Variants in RSPO3 observed in about 807,000 individuals in gnomAD.
RSPO3 encodes the protein R-spondin 3.
In RSPO3, 17 loss-of-function variants were observed where a neutral mutation model predicts 36.5. That is an observed-to-expected ratio of 0.47 (90% CI 0.32 to 0.70). RSPO3 has a LOEUF of 0.70. Among genes scored for constraint, RSPO3 ranks in the 30% least tolerant of loss-of-function variants. RSPO3 has a pLI of 0.04. For missense variants in RSPO3, 294 were observed against 322.5 expected (o/e 0.91, Z 0.68); for synonymous variants, 108 against 107.0 (o/e 1.01, Z -0.06).
chr6:127,165,950 T>C (rs1017278958), intron 4 of RSPO3, among the ~76,000 whole-genome samples: 3 of 151,918 alleles, frequency 2.0e-5, no homozygotes, highest in East Asian at 3.9e-4. Context: ...AAATTAATAA[T>C]CTCACTCTCC....
intron 4 of RSPO3, among the ~76,000 whole-genome samples, chr6:127,166,773 C>T (rs1000086184): frequency 7.2e-5 from 11 of 151,962 alleles, no homozygotes; most frequent in Non-Finnish European, 1.6e-4. Context: ...ATCAAAATTA[C>T]GTGTTTCCTC....
At position 127,126,039 on chromosome 6, in the gene RSPO3, T is replaced by C. The variant is rs184537243; in HGVS notation, c.97+6750T>C. Among the ~76,000 whole-genome samples the C allele has an allele frequency of 2.0e-5, 3 of 152,236 alleles. No individual in the cohort carries two copies. In the East Asian group the frequency reaches 5.8e-4, roughly 29 times the overall value. On this transcript the variant is annotated intron_variant, in intron 1 of 4. Transcript: ENST00000356698. Reference sequence around the variant, plus strand: ...CAGTAGTTCTTGGCAATTAATTGCATATGAAAGGGAAAGAGATGGAGGCCC... The same window carrying C: ...CAGTAGTTCTTGGCAATTAATTGCACATGAAAGGGAAAGAGATGGAGGCCC...
chr6:127,132,784 G>C (rs566582106), intron 1 of RSPO3, among the ~76,000 whole-genome samples: 42 of 152,188 alleles, frequency 2.8e-4, no homozygotes, highest in African/African-American at 1.0e-3. Flanking sequence ...TGTTTGCACA[G>C]CATTTTCAAG....
At chr6:127,153,420 T>C (rs1304362192) in intron 3 of RSPO3, among the ~76,000 whole-genome samples, 1 of 152,078 alleles carries the variant, frequency 6.6e-6, no homozygotes, top group Non-Finnish European at 1.5e-5. Flanking sequence ...TTCTCTAAGA[T>C]AAATTCACCT....
rs1323559486 is a variant in RSPO3 at position 127,168,361 on chromosome 6, G to A, written c.634+12923G>A. Among the ~76,000 whole-genome samples, 5 of 118,278 alleles carry A rather than the reference G, an allele frequency of 4.2e-5. No individual in the cohort carries two copies. In the South Asian group the frequency reaches 1.4e-3, roughly 33 times the overall value. The allele number at this position is 118,278 out of a possible 152,430, so 77.6% of individuals were successfully genotyped here. ...CATTTCTCTGATGGCCAGTGATGAT[G>A]AGCATTTTTTTCATGTGTCTGTTGG... On this transcript the variant is annotated intron_variant, in intron 4 of 4. Coordinates refer to ENST00000356698, the MANE Select transcript of RSPO3 (RefSeq NM_032784.5).
At chr6:127,127,510 T>C (rs940788811) in intron 1 of RSPO3, among the ~76,000 whole-genome samples, 4 of 152,126 alleles carry the variant, frequency 2.6e-5, no homozygotes, top group Non-Finnish European at 4.4e-5. Flanking sequence ...TAATAGTTAT[T>C]ACTCAATAGC....
At chr6:127,177,865 A>C (rs1775086947) in intron 4 of RSPO3, among the ~76,000 whole-genome samples, 1 of 151,656 alleles carries the variant, frequency 6.6e-6, no homozygotes, top group Non-Finnish European at 1.5e-5. Context: ...AGTGGTCTTA[A>C]AGTTTTGTTT....
intron 4 of RSPO3, among the ~76,000 whole-genome samples, chr6:127,171,246 A>G (rs1192979468): frequency 6.6e-6 from 1 of 151,636 alleles, no homozygotes. Flanking sequence ...AAAGCACAGT[A>G]TTTTTTTCTT....
chr6:127,193,237 A>T (rs1775448293), intron 4 of RSPO3, among the ~76,000 whole-genome samples: 1 of 152,166 alleles, frequency 6.6e-6, no homozygotes, highest in Admixed American at 6.5e-5. Context: ...TACTTCCAAA[A>T]ATGTTTAGGC....
intron 4 of RSPO3, among the ~76,000 whole-genome samples, chr6:127,188,717 A>C (rs1020408933): frequency 3.3e-5 from 5 of 152,192 alleles, no homozygotes; most frequent in South Asian, 2.1e-4. Flanking sequence ...TGACTCAAAA[A>C]GTTTATTCCA....
rs558125554 is a variant in RSPO3, at chr6:127,160,540, A to G, written c.634+5102A>G. Among the ~76,000 whole-genome samples the G allele has an allele frequency of 3.9e-5, 6 of 152,332 alleles. No homozygotes were observed. In the South Asian group the frequency reaches 1.2e-3, roughly 32 times the overall value. On this transcript the variant is annotated intron_variant, in intron 4 of 4. Transcript: ENST00000356698. ...ACCCCATAGGCATTGTGCCCTGAGT[A>G]CCATCTCAGAGGAAGTTCTGCAGTC... is the stretch of plus-strand genomic sequence containing the variant.
intron 1 of RSPO3, among the ~76,000 whole-genome samples, chr6:127,127,526 T>C (rs929120828): frequency 6.6e-6 from 1 of 152,112 alleles, no homozygotes; most frequent in Non-Finnish European, 1.5e-5. Flanking sequence ...ATAGCTCCCA[T>C]GTTATAATCA....
chr6:127,150,280 G>C, intron 2 of RSPO3, 146 bp from the exon 3 acceptor site: 1 of 660,296 alleles, frequency 1.5e-6, no homozygotes, highest in Admixed American at 3.1e-5. Flanking sequence ...TGGAGGAATC[G>C]TGAATTCAGT....
At chr6:127,173,514 A>C (rs973845093) in intron 4 of RSPO3, among the ~76,000 whole-genome samples, 7 of 151,884 alleles carry the variant, frequency 4.6e-5, no homozygotes, top group African/African-American at 1.7e-4. Context: ...TTCCTATAAA[A>C]TAATATTGAA....
intron 1 of RSPO3, among the ~76,000 whole-genome samples, chr6:127,139,989 T>TTTCAATAGCAGCATCAATTGTCAG (rs1774238618): frequency 6.6e-6 from 1 of 152,140 alleles, no homozygotes; most frequent in Non-Finnish European, 1.5e-5. Context: ...TTTGTAACAG[T>TTTCAATAGCAGCATCAATTGTCAG]TTCAATAGCA....
At chr6:127,139,977 A>C (rs2114565217) in intron 1 of RSPO3, among the ~76,000 whole-genome samples, 1 of 152,272 alleles carries the variant, frequency 6.6e-6, no homozygotes, top group South Asian at 2.1e-4. Context: ...TTCTGTGAGT[A>C]GTTTGTAACA....
At chr6:127,144,867 C>T (rs1208197197) in intron 1 of RSPO3, among the ~76,000 whole-genome samples, 1 of 152,044 alleles carries the variant, frequency 6.6e-6, no homozygotes, top group South Asian at 2.1e-4. Context: ...TGTGATCAGC[C>T]CACCTTGGCC....
intron 3 of RSPO3, among the ~76,000 whole-genome samples, chr6:127,152,315 C>T (rs998120680): frequency 6.6e-6 from 1 of 152,060 alleles, no homozygotes; most frequent in South Asian, 2.1e-4. Flanking sequence ...GGGCTGGCTC[C>T]GGTTGTTTGC....
chr6:127,151,706 T>C (rs1354009566), intron 3 of RSPO3, among the ~76,000 whole-genome samples: 2 of 152,070 alleles, frequency 1.3e-5, no homozygotes, highest in Non-Finnish European at 2.9e-5. Flanking sequence ...TTTAGAAGCA[T>C]CTGGAAAACA....
Sources: allele counts gnomAD v4.1 joint callset (sites outside exome capture counted in the v4.1 genomes callset), GRCh38; gene constraint gnomAD v4.1.1; transcripts MANE v1.5; gene names NCBI Gene and HGNC (gene_info 2026-07-23, HGNC 2026-07-21).